Variants in CNIH3 observed in about 807,000 individuals in gnomAD.
CNIH3 encodes the protein cornichon family AMPA receptor auxiliary protein 3, also known as protein cornichon homolog 3.
CNIH3 carries 14 observed loss-of-function variants against 24.1 expected under a neutral mutation model. The observed-to-expected ratio is 0.58, with a 90% CI of 0.38 to 0.91. The LOEUF (loss-of-function observed/expected upper bound fraction) is 0.91. CNIH3 is among the 40% of genes least tolerant of loss of function. CNIH3 has a pLI of 0.00. For missense variants in CNIH3, 178 were observed against 196.8 expected, an observed-to-expected ratio of 0.90 and a Z score of 0.57; for synonymous variants, 68 against 73.8, an observed-to-expected ratio of 0.92 and a Z score of 0.40.
chr1:224,507,469 T>C (rs1677965765), intron 1 of CNIH3, among the ~76,000 whole-genome samples: 2 of 152,244 alleles, frequency 1.3e-5, no homozygotes. Flanking sequence ...GTGATTAAAA[T>C]AGTGCCTAGC....
At position 224,739,350 on chromosome 1, in the gene CNIH3, C is replaced by T. The variant is rs139031381; in HGVS notation, c.477C>T (p.Ser159=). 10 of 1,450,036 alleles carry T rather than the reference C, an allele frequency of 6.9e-6. No homozygotes were observed. Among genetic ancestry groups the T allele is most frequent in the African/African-American group, 3.3e-5 (2 of 60,832 alleles). The allele number at this position is 1,450,036 out of a possible 1,614,324, so 89.8% of individuals were successfully genotyped here. Residue 159 remains serine, a synonymous_variant, in exon 6 of 6, where the codon AGC becomes AGT. Coordinates refer to ENST00000272133, the MANE Select transcript of CNIH3 (RefSeq NM_152495.2). ...TCAGCATGATCTACACTTTAGTGAG[C>T]TCTTAACGCAAAGACCATGCACATC... ...YLYCMIYTLV[S]S is the part of the protein sequence containing the mutation.
At chr1:224,695,896 CATTG>C (rs1334183896) in intron 3 of CNIH3, among the ~76,000 whole-genome samples, 1 of 152,206 alleles carries the variant, frequency 6.6e-6, no homozygotes, top group Non-Finnish European at 1.5e-5. Context: ...GTCACCAAAT[CATTG>C]ATTGTTCTGA....
At chr1:224,541,441 AT>A (rs1011886088), downstream of CNIH3, among the ~76,000 whole-genome samples, 1 of 152,196 alleles carries the variant, frequency 6.6e-6, no homozygotes, top group African/African-American at 2.4e-5. Flanking sequence ...AAAATGGGAC[AT>A]TTTCTTCTGA....
chr1:224,542,003 A>G (rs1281870612), downstream of CNIH3, among the ~76,000 whole-genome samples: 1 of 151,988 alleles, frequency 6.6e-6, no homozygotes, highest in Non-Finnish European at 1.5e-5. Flanking sequence ...GTGGCTTCCA[A>G]TTTTCTTCAC....
At chr1:224,734,803 C>T (rs1014366390) in intron 5 of CNIH3, 97 bp downstream of exon 5, 23 of 1,322,458 alleles carry the variant, frequency 1.7e-5, no homozygotes, top group African/African-American at 2.9e-5. Context: ...AGATGGCGTG[C>T]GAGGGTGGGA....
chr1:224,494,439 C>A (rs566293013), intron 1 of CNIH3, among the ~76,000 whole-genome samples: 38 of 152,256 alleles, frequency 2.5e-4, no homozygotes, highest in Non-Finnish European at 3.1e-4. Flanking sequence ...TGTGTTCCCC[C>A]TCAGCCTACA....
At chr1:224,623,573 A>G (rs933122053) in intron 1 of CNIH3, among the ~76,000 whole-genome samples, 14 of 152,114 alleles carry the variant, frequency 9.2e-5, no homozygotes, top group African/African-American at 3.4e-4. Flanking sequence ...GAAGCTCCCA[A>G]AACTGTCCCC....
chr1:224,724,425 C>A (rs1192439913), intron 3 of CNIH3, among the ~76,000 whole-genome samples: 1 of 152,162 alleles, frequency 6.6e-6, no homozygotes, highest in Non-Finnish European at 1.5e-5. Context: ...AGCAAAGGGG[C>A]CCAGAATGTA....
intron 1 of CNIH3, among the ~76,000 whole-genome samples, chr1:224,516,283 C>T (rs975699416): frequency 2.3e-4 from 33 of 141,362 alleles, no homozygotes; most frequent in African/African-American, 5.4e-5. Context: ...CACTGCATTC[C>T]CGCCTGGCGA....
chr1:224,642,872 C>CTAGG (rs1684426748), intron 1 of CNIH3, among the ~76,000 whole-genome samples: 1 of 152,196 alleles, frequency 6.6e-6, no homozygotes, highest in Admixed American at 6.5e-5. Context: ...TGCGAGAGAG[C>CTAGG]TAGGCAGGGG....
At chr1:224,480,135 G>A (rs779370273) in intron 1 of CNIH3, among the ~76,000 whole-genome samples, 4 of 152,130 alleles carry the variant, frequency 2.6e-5, no homozygotes, top group Admixed American at 1.3e-4. Context: ...CTGCGCACCC[G>A]TAGGCTCAAC....
intron 1 of CNIH3, among the ~76,000 whole-genome samples, chr1:224,617,726 G>C (rs1683085296): frequency 6.6e-6 from 1 of 152,228 alleles, no homozygotes; most frequent in Non-Finnish European, 1.5e-5. Context: ...CGCCTTGTAA[G>C]AGGTAGGGAG....
intron 4 of CNIH3, among the ~76,000 whole-genome samples, chr1:224,568,193 G>A (rs1255388699): frequency 6.6e-6 from 1 of 152,152 alleles, no homozygotes; most frequent in East Asian, 1.9e-4. Flanking sequence ...TGGAGGCTGA[G>A]GGAGGAGAAT....
At chr1:224,669,472 T>C (rs1450623797) in intron 1 of CNIH3, among the ~76,000 whole-genome samples, 2 of 152,196 alleles carry the variant, frequency 1.3e-5, no homozygotes, top group Non-Finnish European at 2.9e-5. Context: ...GGATGGGCCA[T>C]GCTGGCTTTA....
At chr1:224,600,969 G>A (rs773310755) in intron 3 of CNIH3, among the ~76,000 whole-genome samples, 2 of 152,224 alleles carry the variant, frequency 1.3e-5, no homozygotes, top group Non-Finnish European at 2.9e-5. Flanking sequence ...AAACAGGTCT[G>A]CAGCAACCTC....
chr1:224,707,744 G>A (rs1446266066), intron 3 of CNIH3, among the ~76,000 whole-genome samples: 2 of 152,212 alleles, frequency 1.3e-5, no homozygotes, highest in East Asian at 1.9e-4. Flanking sequence ...CAACATGGCC[G>A]AGAACCCCGG....
chr1:224,580,066 A>G (rs1227912878), intron 4 of CNIH3, among the ~76,000 whole-genome samples: 3 of 151,994 alleles, frequency 2.0e-5, no homozygotes, highest in Non-Finnish European at 4.4e-5. Context: ...TGTTATCCCT[A>G]CCCTCAGCTG....
intron 3 of CNIH3, among the ~76,000 whole-genome samples, chr1:224,698,052 ATTCCTTAAG>A (rs1687269134): frequency 6.6e-6 from 1 of 152,196 alleles, no homozygotes; most frequent in Non-Finnish European, 1.5e-5. Flanking sequence ...GGGACTTGTT[ATTCCTTAAG>A]CAATTTGGGG....
chr1:224,518,978 C>T (rs1274483302), intron 1 of CNIH3, among the ~76,000 whole-genome samples: 2 of 152,088 alleles, frequency 1.3e-5, no homozygotes, highest in African/African-American at 2.4e-5. Context: ...CCTTTTTAGC[C>T]TAAGTTTCAT....
Sources: gnomAD v4.1 joint callset for allele counts (sites outside exome capture counted in the v4.1 genomes callset) on GRCh38, gnomAD v4.1.1 for gene constraint, MANE v1.5 for transcripts, NCBI Gene and HGNC (gene_info 2026-07-23, HGNC 2026-07-21) for gene names.